The following ACSBG2 variants were observed in gnomAD, a reference collection of about 807,000 sequenced individuals.
ACSBG2 encodes the protein long-chain-fatty-acid--CoA ligase ACSBG2.
Under a neutral mutation model 74.7 loss-of-function variants are expected in ACSBG2, and 62 were observed. That is an observed-to-expected ratio of 0.83 (90% CI 0.68 to 1.03). The LOEUF (loss-of-function observed/expected upper bound fraction) is 1.03. Ranked by LOEUF, ACSBG2 falls within the 50% of genes least tolerant of loss-of-function variation. The pLI, the probability that ACSBG2 is intolerant of heterozygous loss-of-function variation, is 0.00. For synonymous variants in ACSBG2, 309 were observed against 294.1 expected (o/e 1.05, Z -0.52); for missense variants, 730 against 817.6 (o/e 0.89, Z 1.31).
intron 6 of ACSBG2, 142 bp downstream of exon 6, chr19:6,161,437 TC>T (rs2089612615): frequency 4.3e-6 from 3 of 691,308 alleles, no homozygotes; most frequent in African/African-American, 4.2e-5. Context: ...AGGTGGGGAC[TC>T]TCAAAGGAAG....
At chr19:6,154,945 G>GT (rs1159483897) in intron 4 of ACSBG2, among the ~76,000 whole-genome samples, 3 of 152,188 alleles carry the variant, frequency 2.0e-5, no homozygotes, top group African/African-American at 7.2e-5. Context: ...TTTGTATTCT[G>GT]TATGAATGAG....
intron 8 of ACSBG2, among the ~76,000 whole-genome samples, chr19:6,177,898 G>T (rs1046932399): frequency 2.0e-5 from 3 of 151,650 alleles, no homozygotes; most frequent in African/African-American, 7.3e-5. Context: ...GTGTGTGTGT[G>T]TGTGTGTGTG....
intron 4 of ACSBG2, 133 bp from the exon 5 acceptor site, chr19:6,156,297 GA>G: frequency 1.1e-6 from 1 of 878,258 alleles, no homozygotes; most frequent in Non-Finnish European, 1.7e-6. Flanking sequence ...TTAAGTTGGG[GA>G]GGAAGGGAAG....
At chr19:6,166,330 G>GTGTA (rs1491505412) in intron 7 of ACSBG2, among the ~76,000 whole-genome samples, 6 of 134,408 alleles carry the variant, frequency 4.5e-5, no homozygotes, top group African/African-American at 8.0e-5. Flanking sequence ...GTGTGTGTGT[G>GTGTA]TTTTGAGATG....
chr19:6,160,402 AAAG>A (rs1230473585), intron 5 of ACSBG2, among the ~76,000 whole-genome samples: 2 of 150,436 alleles, frequency 1.3e-5, no homozygotes, highest in Non-Finnish European at 1.5e-5. Context: ...AAAAAAAAAA[AAAG>A]AAAGAAAGAA....
chr19:6,172,329 G>T (rs2089985709), intron 7 of ACSBG2, among the ~76,000 whole-genome samples: 2 of 152,098 alleles, frequency 1.3e-5, no homozygotes, highest in South Asian at 4.1e-4. Flanking sequence ...TCTTGTTTTT[G>T]AATCTTCTAT....
chr19:6,163,010 C>A (rs77825094), intron 6 of ACSBG2, among the ~76,000 whole-genome samples: 1 of 151,658 alleles, frequency 6.6e-6, no homozygotes, highest in East Asian at 1.9e-4. Context: ...TTAGGCTGGG[C>A]ACAGTAGCTC....
rs141719523 is a variant in ACSBG2 at position 6,171,196 on chromosome 19, T to C, written c.738+5181T>C. ...TTTATCAAATTTGTCACTCTATGTC[T>C]TTTAAGTGCTGTATTTAGGATGTTT... On this transcript the variant is annotated intron_variant, in intron 7 of 14. Transcript: ENST00000588485. Among the ~76,000 whole-genome samples the C allele has an allele frequency of 3.5e-3, 530 of 152,238 alleles. 6 individuals carry two copies. The highest frequency in any genetic ancestry group is 0.012 in the African/African-American group (497 of 41,560).
chr19:6,164,382 C>T (rs2145137571), intron 6 of ACSBG2, among the ~76,000 whole-genome samples: 1 of 152,020 alleles, frequency 6.6e-6, no homozygotes, highest in Non-Finnish European at 1.5e-5. Context: ...GCCAGCATCA[C>T]CCTGGGCAGG....
rs1186275898 is a variant in ACSBG2, at chr19:6,187,807, T to C, written c.1889T>C (p.Ile630Thr). The C allele has an allele frequency of 6.2e-7, 1 of 1,614,162 alleles. No individual in the cohort carries two copies. The highest frequency in any genetic ancestry group is 8.5e-7 in the Non-Finnish European group (1 of 1,180,020). The change falls in exon 13 of 15, where the codon ATC (isoleucine) becomes ACC (threonine). Residue 630 changes from isoleucine (I) to threonine (T), a missense_variant. By Grantham distance (89) the Ile-to-Thr change is moderately conservative. Transcript: ENST00000588485. ...GCACAGAGGATTGAAAAGTGGGTCA[T>C]CTTGGAGAAGGACTTTTCCATCTAT... is the stretch of plus-strand genomic sequence containing the variant. ...NNAQRIEKWV[I>T]LEKDFSIYGG... is the part of the protein sequence containing the mutation.
intron 7 of ACSBG2, among the ~76,000 whole-genome samples, chr19:6,176,933 GT>G (rs2090103620): frequency 6.6e-6 from 1 of 152,016 alleles, no homozygotes; most frequent in Non-Finnish European, 1.5e-5. Context: ...GAGGCGGGAG[GT>G]CGCTGGAGGC....
At chr19:6,139,572 T>A (rs2088738105) in intron 1 of ACSBG2, among the ~76,000 whole-genome samples, 1 of 152,228 alleles carries the variant, frequency 6.6e-6, no homozygotes, top group Non-Finnish European at 1.5e-5. Context: ...TCATAAAACA[T>A]TACTGCAAAT....
intron 1 of ACSBG2, chr19:6,137,209 T>TGGGGGGGGGGGG (rs71172790): frequency 4.5e-5 from 1 of 21,996 alleles, no homozygotes; most frequent in Non-Finnish European, 1.3e-4. Context: ...GTGGCGGGGT[T>TGGGGGGGGGGGG]GGGGGGGGGG....
intron 4 of ACSBG2, among the ~76,000 whole-genome samples, chr19:6,153,403 C>A (rs917234442): frequency 6.6e-6 from 1 of 152,136 alleles, no homozygotes; most frequent in African/African-American, 2.4e-5. Flanking sequence ...TGACGATAAT[C>A]TGGGACCAAT....
At chr19:6,136,369 G>A (rs2088567854) in intron 1 of ACSBG2, among the ~76,000 whole-genome samples, 1 of 152,144 alleles carries the variant, frequency 6.6e-6, no homozygotes, top group African/African-American at 2.4e-5. Flanking sequence ...TGGGATTACA[G>A]GCGTGAGCCG....
chr19:6,167,403 A>G (rs8101237), intron 7 of ACSBG2, among the ~76,000 whole-genome samples: 110,667 of 152,130 alleles, frequency 0.73, 40,696 homozygotes, highest in African/African-American at 0.81. Context: ...AGATTGCAAA[A>G]GTCAGCCTCC....
At chr19:6,145,052 G>C (rs1048532771) in intron 2 of ACSBG2, among the ~76,000 whole-genome samples, 7 of 151,968 alleles carry the variant, frequency 4.6e-5, no homozygotes, top group African/African-American at 1.4e-4. Context: ...CTGGCACCAA[G>C]CCAAGAGCCT....
chr19:6,176,503 CA>C, intron 7 of ACSBG2: 1 of 833,632 alleles, frequency 1.2e-6, no homozygotes, highest in Non-Finnish European at 1.7e-6. Context: ...ACAACACACA[CA>C]CACACACGCA....
rs891895988 is a variant in ACSBG2 at position 6,182,733 on chromosome 19, T to G, written c.907-18T>G. 7 of 1,611,170 alleles carry G rather than the reference T, an allele frequency of 4.3e-6. No homozygotes were observed. Among genetic ancestry groups the G allele is most frequent in the African/African-American group, 4.0e-5 (3 of 74,822 alleles). ...ACGGAAGGCCCTGCTGTGGCTAACC[T>G]AGCTTCGTTCCATACAGGGCACCTT... On this transcript the variant is annotated intron_variant, in intron 8 of 14. Transcript: ENST00000588485.
Sources: gnomAD v4.1 joint callset for allele counts (sites outside exome capture counted in the v4.1 genomes callset) on GRCh38, gnomAD v4.1.1 for gene constraint, MANE v1.5 for transcripts, NCBI Gene and HGNC (gene_info 2026-07-23, HGNC 2026-07-21) for gene names.